ARSG: variants seen among roughly 807,000 people sequenced by gnomAD.
The protein encoded by ARSG is ASG.
Under a neutral mutation model 50.5 loss-of-function variants are expected in ARSG, and 37 were observed. The ratio of observed to expected loss-of-function variants is 0.73; its 90% confidence interval spans 0.56 to 0.96. The LOEUF (loss-of-function observed/expected upper bound fraction) is 0.96. ARSG is among the 50% of genes least tolerant of loss of function. The probability of loss-of-function intolerance (pLI) is 0.00; values close to 1 mark genes in which losing one functional copy is unlikely to be tolerated. For synonymous variants in ARSG, 225 were observed against 254.6 expected (o/e 0.88, Z 1.11); for missense variants, 629 against 675.3 (o/e 0.93, Z 0.76).
At chr17:68,345,197 C>T (rs1197084771) in intron 3 of ARSG, among the ~76,000 whole-genome samples, 3 of 152,198 alleles carry the variant, frequency 2.0e-5, no homozygotes, top group Non-Finnish European at 4.4e-5. Context: ...GCCAGCTGAA[C>T]GAAGTGGCTC....
chr17:68,435,769 C>T, the ARSG span: 1 of 1,480,086 alleles, frequency 6.8e-7, no homozygotes, highest in Non-Finnish European at 9.4e-7. Flanking sequence ...AGATGGATTT[C>T]ACCTCCCTCC....
At chr17:68,440,416 G>A in the ARSG span, among the ~76,000 whole-genome samples, 1 of 152,186 alleles carries the variant, frequency 6.6e-6, no homozygotes. Flanking sequence ...GCCTTTTTAA[G>A]GAAGGATATG....
At chr17:68,294,409 T>C (rs1555757413) in intron 1 of ARSG, among the ~76,000 whole-genome samples, 1 of 152,196 alleles carries the variant, frequency 6.6e-6, no homozygotes, top group Non-Finnish European at 1.5e-5. Flanking sequence ...TAGGCAGATA[T>C]GACCCTGGCT....
chr17:68,282,047 C>T (rs1555752979), intron 1 of ARSG, among the ~76,000 whole-genome samples: 2 of 152,182 alleles, frequency 1.3e-5, no homozygotes, highest in South Asian at 4.1e-4. Context: ...AAGACACATG[C>T]ACACGTATGT....
intron 8 of ARSG, among the ~76,000 whole-genome samples, chr17:68,372,734 C>G (rs1323255514): frequency 6.6e-6 from 1 of 152,162 alleles, no homozygotes; most frequent in Non-Finnish European, 1.5e-5. Context: ...CTGTCAAACT[C>G]AATCCTGACC....
At position 68,307,493 on chromosome 17, in the gene ARSG, C is replaced by T. The variant is rs1555764676; in HGVS notation, c.-1C>T. On this transcript the variant is annotated 5_prime_UTR_variant, in exon 2 of 12. Coordinates refer to ENST00000621439, the MANE Select transcript of ARSG (RefSeq NM_001267727.2). ...ACAATCGGAATCCTGCCTTCACCAC[C>T]ATGGGCTGGCTTTTTCTAAAGGTTT... is the stretch of plus-strand genomic sequence containing the variant. The T allele has an allele frequency of 1.9e-6, 3 of 1,612,950 alleles. No homozygotes were observed. Among genetic ancestry groups the T allele is most frequent in the Non-Finnish European group, 2.5e-6 (3 of 1,179,156 alleles).
chr17:68,346,512 G>A (rs1159096405), intron 3 of ARSG, among the ~76,000 whole-genome samples: 1 of 152,216 alleles, frequency 6.6e-6, no homozygotes, highest in Non-Finnish European at 1.5e-5. Context: ...GAGCGGAAGA[G>A]CAGATCAGAG....
At chr17:68,330,869 G>A (rs2077700112) in intron 2 of ARSG, among the ~76,000 whole-genome samples, 3 of 151,934 alleles carry the variant, frequency 2.0e-5, no homozygotes, top group South Asian at 4.1e-4. Context: ...GTGCTTGGTT[G>A]CAGGCTTTGC....
chr17:68,277,804 T>C (rs571407769), intron 1 of ARSG, among the ~76,000 whole-genome samples: 1 of 152,296 alleles, frequency 6.6e-6, no homozygotes, highest in African/African-American at 2.4e-5. Flanking sequence ...CTGCACTCCT[T>C]AAGGGAATCT....
At chr17:68,332,072 T>C (rs2077799300) in intron 2 of ARSG, among the ~76,000 whole-genome samples, 1 of 152,222 alleles carries the variant, frequency 6.6e-6, no homozygotes, top group Non-Finnish European at 1.5e-5. Context: ...TAGGTGGGAA[T>C]TTCCTCGTCC....
chr17:68,371,595 G>C (rs1178083645), intron 8 of ARSG, among the ~76,000 whole-genome samples: 1 of 152,182 alleles, frequency 6.6e-6, no homozygotes, highest in Non-Finnish European at 1.5e-5. Context: ...TGGACCAAAT[G>C]CTTGAAAAAT....
intron 5 of ARSG, among the ~76,000 whole-genome samples, chr17:68,352,101 G>T (rs2078801044): frequency 7.7e-6 from 1 of 129,912 alleles, no homozygotes. Context: ...GAGAGAGAGA[G>T]AGAGAGAGAG....
chr17:68,283,330 C>A (rs2075756575), intron 1 of ARSG, among the ~76,000 whole-genome samples: 2 of 151,744 alleles, frequency 1.3e-5, no homozygotes, highest in Non-Finnish European at 2.9e-5. Context: ...ACCATTCTGG[C>A]AAACACGATG....
chr17:68,365,330 C>T (rs145577529), intron 6 of ARSG, among the ~76,000 whole-genome samples: 307 of 152,250 alleles, frequency 2.0e-3, no homozygotes, highest in Non-Finnish European at 3.5e-3. Context: ...AAAACAACAA[C>T]AAAATAAGCT....
At chr17:68,270,422 TG>T (rs1439097148) in intron 1 of ARSG, among the ~76,000 whole-genome samples, 40 of 152,022 alleles carry the variant, frequency 2.6e-4, no homozygotes, top group African/African-American at 9.4e-4. Flanking sequence ...GGCGTGGTGG[TG>T]GGTGCCTGTA....
At chr17:68,439,704 G>C in the ARSG span, among the ~76,000 whole-genome samples, 377 of 152,324 alleles carry the variant, frequency 2.5e-3, 8 homozygotes, top group East Asian at 0.066. Flanking sequence ...GAGATAGGCT[G>C]AGGACATGAG....
intron 8 of ARSG, among the ~76,000 whole-genome samples, chr17:68,373,735 C>CTA (rs948337357): frequency 2.6e-5 from 4 of 151,954 alleles, no homozygotes; most frequent in East Asian, 1.9e-4. Context: ...CTCTCTCTCT[C>CTA]TCTATATATA....
intron 6 of ARSG, among the ~76,000 whole-genome samples, chr17:68,368,018 C>T (rs2079629283): frequency 6.6e-6 from 1 of 152,066 alleles, no homozygotes; most frequent in Non-Finnish European, 1.5e-5. Flanking sequence ...TGCAGTGTGA[C>T]AATATCGCGC....
downstream of ARSG, among the ~76,000 whole-genome samples, chr17:68,426,619 G>T (rs151230721): frequency 6.6e-6 from 1 of 152,238 alleles, no homozygotes; most frequent in Non-Finnish European, 1.5e-5. Context: ...TGCAATCTCC[G>T]CCTCTCTGGT....
Sources: allele counts gnomAD v4.1 joint callset (sites outside exome capture counted in the v4.1 genomes callset), GRCh38; gene constraint gnomAD v4.1.1; transcripts MANE v1.5; gene names NCBI Gene and HGNC (gene_info 2026-07-23, HGNC 2026-07-21).